DNAH2: variants seen among roughly 807,000 people sequenced by gnomAD.
The protein encoded by DNAH2 is dynein axonemal heavy chain 2, also known as axonemal beta dynein heavy chain 2.
In DNAH2, 323 loss-of-function variants were observed where a neutral mutation model predicts 523.5. The observed-to-expected ratio is 0.62, with a 90% CI of 0.56 to 0.68. The LOEUF (loss-of-function observed/expected upper bound fraction) is 0.68. Among genes scored for constraint, DNAH2 ranks in the 30% least tolerant of loss-of-function variants. The probability of loss-of-function intolerance (pLI) is 0.00; values close to 1 mark genes in which losing one functional copy is unlikely to be tolerated. For missense variants in DNAH2, 4,907 were observed against 5,701.5 expected, an observed-to-expected ratio of 0.86 and a Z score of 4.49; for synonymous variants, 2,093 against 2,177.4, an observed-to-expected ratio of 0.96 and a Z score of 1.08.
intron 13 of DNAH2, 32 bp downstream of exon 13, chr17:7,757,269 A>G (rs1311957529): frequency 6.2e-7 from 1 of 1,605,796 alleles, no homozygotes; most frequent in Admixed American, 1.7e-5. Context: ...CAGCCCTTCA[A>G]GATGCTATTT....
chr17:7,776,965 C>A, intron 32 of DNAH2, 76 bp downstream of exon 32: 2 of 1,269,130 alleles, frequency 1.6e-6, no homozygotes, highest in Non-Finnish European at 2.2e-6. Flanking sequence ...AGCCCACTCG[C>A]TTGAGCCCAG....
intron 56 of DNAH2, among the ~76,000 whole-genome samples, chr17:7,800,111 C>T (rs548066165): frequency 1.3e-5 from 2 of 152,270 alleles, no homozygotes; most frequent in African/African-American, 4.8e-5. Context: ...GAGTGCAGTG[C>T]TGTGATCTCG....
chr17:7,824,778 C>T lies in DNAH2; in HGVS notation c.11853+51C>T, dbSNP rs770653305. 17 of 1,373,080 alleles carry T rather than the reference C, an allele frequency of 1.2e-5. No individual in the cohort carries two copies. In the Admixed American group the frequency reaches 3.8e-4, roughly 31 times the overall value. 85.1% of individuals were successfully genotyped at this position (1,373,080 alleles called of 1,614,324 possible). The stretch of plus-strand genomic sequence containing the variant: ...CATCAGGGCCATCTGGTCCACCTTA[C>T]CTCCTGCTAGCACCAGAGAGAGGGC... On this transcript the variant is annotated intron_variant, in intron 77 of 85. Transcript: ENST00000572933.
chr17:7,754,569 G>A lies in DNAH2; in HGVS notation c.1905-2522G>A, dbSNP rs2075783315. 6.8e-6 allele frequency: 10 copies of A among 1,464,648 alleles called. No homozygotes were observed. The South Asian group carries it at 1.1e-4, about 17-fold the overall frequency. The allele number at this position is 1,464,648 out of a possible 1,614,324, so 90.7% of individuals were successfully genotyped here. A position where few individuals can be genotyped will look rare whatever the true frequency, so the allele number is the denominator to read the frequency against. ...CCTAAAGAAGATGCACACCAACAATGCCAAGGCCATGAGTCCACGTGCCGA... is the reference window on the plus strand; with the variant it reads ...CCTAAAGAAGATGCACACCAACAATACCAAGGCCATGAGTCCACGTGCCGA... On this transcript the variant is annotated intron_variant, in intron 12 of 85. Coordinates refer to ENST00000572933, the MANE Select transcript of DNAH2 (RefSeq NM_020877.5). The surrounding 1 kb of genome is among the most constrained non-coding windows in gnomAD (Gnocchi z 4.6).
chr17:7,773,194 C>T (rs902942635), intron 28 of DNAH2, among the ~76,000 whole-genome samples: 2 of 152,262 alleles, frequency 1.3e-5, no homozygotes, highest in Middle Eastern at 6.8e-3. Context: ...GGTCTTCTGC[C>T]GCCTGCTCTG....
intron 77 of DNAH2, 110 bp from the exon 78 acceptor site, chr17:7,830,190 C>T (rs755667145): frequency 1.4e-4 from 168 of 1,185,898 alleles, no homozygotes; most frequent in Non-Finnish European, 1.8e-4. Flanking sequence ...CTCACCCTTT[C>T]AGCCAGTGCC....
At chr17:7,722,964 CTTTTTTTT>C (rs559136734) in intron 2 of DNAH2, among the ~76,000 whole-genome samples, 1 of 114,698 alleles carries the variant, frequency 8.7e-6, no homozygotes, top group African/African-American at 3.6e-5. Flanking sequence ...CTTTTCTTTC[CTTTTTTTT>C]TTTTTTTTTT....
chr17:7,755,984 C>G (rs528596791), intron 12 of DNAH2, among the ~76,000 whole-genome samples: 1 of 152,022 alleles, frequency 6.6e-6, no homozygotes, highest in East Asian at 2.0e-4. Flanking sequence ...TGCCTGTAAT[C>G]CCAGCACTTT....
intron 77 of DNAH2, 123 bp from the exon 78 acceptor site, chr17:7,830,177 C>T: frequency 9.8e-7 from 1 of 1,016,294 alleles, no homozygotes; most frequent in Non-Finnish European, 1.4e-6. Context: ...ATTTCAGCCT[C>T]CACTCACCCT....
At chr17:7,745,913 G>A (rs1400090920) in intron 12 of DNAH2, among the ~76,000 whole-genome samples, 1 of 152,128 alleles carries the variant, frequency 6.6e-6, no homozygotes, top group African/African-American at 2.4e-5. Context: ...CAACTTCAGT[G>A]CTAAACAGTC....
At chr17:7,735,065 G>A (rs1416401999) in intron 7 of DNAH2, among the ~76,000 whole-genome samples, 1 of 152,018 alleles carries the variant, frequency 6.6e-6, no homozygotes, top group African/African-American at 2.4e-5. Flanking sequence ...TTTTTTCTTT[G>A]TTTGAATCTG....
At position 7,788,108 on chromosome 17, in the gene DNAH2, G is replaced by A. The variant is rs139826738; in HGVS notation, c.6764G>A (p.Arg2255His). ...CAGGCTGAGGTGGAGCCCCTTCAAC[G>A]CATGTTCGAAAAGCTCATCAACAAG... is the stretch of plus-strand genomic sequence containing the variant. ...RPKAEVEPLQ[R>H]MFEKLINKML... The change falls in exon 44 of 86, where the codon CGC (arginine) becomes CAC (histidine). Residue 2255 changes from arginine to histidine, a missense_variant. Transcript: ENST00000572933. 32 of 1,614,164 alleles carry A rather than the reference G, an allele frequency of 2.0e-5. No individual in the cohort carries two copies. In the East Asian group the frequency reaches 6.5e-4, roughly 33 times the overall value.
Position 7,787,013 on chromosome 17 carries a change from C to T in DNAH2, c.6583C>T (p.Arg2195Cys), listed in dbSNP as rs544186033. Residue 2195 changes from arginine (R) to cysteine (C), a missense_variant, in exon 42 of 86, where the codon CGC becomes TGC. This residue lies in a region of DNAH2 where 2,806 missense variants were observed against 3,190.8 expected (regional missense o/e 0.88). Coordinates refer to ENST00000572933, the MANE Select transcript of DNAH2 (RefSeq NM_020877.5). ...GGTGTTGACCCTCATCAACGGCGAG[C>T]GCATCGCGATGCCCGAGCAGGTCAG... The part of the protein sequence containing the change: ...NKVLTLINGE[R>C]IAMPEQVSLL... The T allele has an allele frequency of 3.1e-6, 5 of 1,614,010 alleles. No homozygotes were observed. Among genetic ancestry groups the T allele is most frequent in the South Asian group, 1.1e-5 (1 of 91,092 alleles).
Position 7,832,720 on chromosome 17 carries a change from A to G in DNAH2, c.12868A>G (p.Thr4290Ala), listed in dbSNP as rs1405624248. Reference protein sequence around the residue: ...SGFTFPTGFLTAVLQSSARQN... With the variant: ...SGFTFPTGFLAAVLQSSARQN... ...TTTCACCTTTCCCACTGGCTTCCTC[A>G]CTGCTGTGCTGCAGTCTTCAGCTCG... Residue 4290 changes from threonine to alanine, a missense_variant, in exon 83 of 86, where the codon ACT becomes GCT. Physicochemically the swap from Thr to Ala is moderately conservative, Grantham distance 58 (BLOSUM62 0). Around this residue, in one of 3 missense-constraint regions of DNAH2, gnomAD observed 1,851 missense variants for 2,139.4 expected, o/e 0.87. Transcript: ENST00000572933. The surrounding 1 kb of genome is among the most constrained non-coding windows in gnomAD (Gnocchi z 4.3). The G allele has an allele frequency of 1.2e-6, 2 of 1,613,848 alleles. No individual in the cohort carries two copies. The highest frequency in any genetic ancestry group is 2.2e-5 in the South Asian group (2 of 91,072).
chr17:7,759,243 A>T, intron 15 of DNAH2, 119 bp downstream of exon 15: 3 of 1,479,746 alleles, frequency 2.0e-6, no homozygotes, highest in South Asian at 1.3e-5. Context: ...CTTCTCAAAC[A>T]TCGTGCTCTA....
In DNAH2 at chr17:7,740,409, C is replaced by T. The variant is rs1351012264; in HGVS notation, c.1377-11C>T. On this transcript the variant is annotated splice_polypyrimidine_tract_variant and intron_variant, in intron 9 of 85. Transcript: ENST00000572933. ...GGCACTCAGCTGCCACATGCCTCTC[C>T]ACCGGTGCAGGTTCCGTGCCGGAAT... The T allele has an allele frequency of 3.7e-6, 6 of 1,613,748 alleles. No individual in the cohort carries two copies. The East Asian group carries it at 8.9e-5, about 24-fold the overall frequency.
At chr17:7,788,783 G>A (rs896766126) in intron 44 of DNAH2, among the ~76,000 whole-genome samples, 3 of 152,208 alleles carry the variant, frequency 2.0e-5, no homozygotes, top group Admixed American at 2.0e-4. Flanking sequence ...TAAAGATGTT[G>A]CTAGGTAATT....
chr17:7,785,947 A>G (rs1597651423), intron 39 of DNAH2, among the ~76,000 whole-genome samples, 177 bp from the exon 40 acceptor site: 1 of 152,178 alleles, frequency 6.6e-6, no homozygotes, highest in South Asian at 2.1e-4. Context: ...CCAGAGCCCA[A>G]TCTTTCAACT....
At chr17:7,803,398 C>T (rs887344193) in intron 58 of DNAH2, among the ~76,000 whole-genome samples, 3 of 152,164 alleles carry the variant, frequency 2.0e-5, no homozygotes, top group Non-Finnish European at 2.9e-5. Context: ...AGGCTGGGCA[C>T]GGTGACTCAC....
Sources: gnomAD v4.1 joint callset for allele counts (sites outside exome capture counted in the v4.1 genomes callset) on GRCh38, gnomAD v4.1.1 for gene constraint, gnomAD v4.1.1 regional missense constraint, Gnocchi (gnomAD v3.1) non-coding constraint, MANE v1.5 for transcripts, NCBI Gene and HGNC (gene_info 2026-07-23, HGNC 2026-07-21) for gene names.